Variants in SAMD10 observed in about 807,000 individuals in gnomAD.
SAMD10 encodes sterile alpha motif domain containing 10.
Under a neutral mutation model 22.5 loss-of-function variants are expected in SAMD10, and 16 were observed. The observed-to-expected ratio is 0.71, with a 90% CI of 0.48 to 1.08. The LOEUF (loss-of-function observed/expected upper bound fraction) is 1.08. Among genes scored for constraint, SAMD10 ranks in the 50% least tolerant of loss-of-function variants. SAMD10 has a pLI of 0.00. For synonymous variants in SAMD10, 118 were observed against 122.2 expected, an observed-to-expected ratio of 0.97 and a Z score of 0.23; for missense variants, 227 against 281.3, an observed-to-expected ratio of 0.81 and a Z score of 1.38.
intron 3 of SAMD10, among the ~76,000 whole-genome samples, chr20:63,976,160 G>A (rs543730497): frequency 2.0e-5 from 3 of 150,858 alleles, no homozygotes; most frequent in East Asian, 1.9e-4. Flanking sequence ...ATGACAGAGC[G>A]AGACTCCTTC....
In SAMD10 at chr20:63,979,269, C is replaced by T; in HGVS notation, c.91+108G>A. 1.3e-6 allele frequency: 1 copy of T among 781,618 alleles called. No individual in the cohort carries two copies. The highest frequency in any genetic ancestry group is 1.8e-6 in the Non-Finnish European group (1 of 542,204). 48.4% of individuals were successfully genotyped at this position (781,618 alleles called of 1,614,324 possible). The stretch of plus-strand genomic sequence containing the variant: ...GAGCCGAGACATCCGCCGAATACCC[C>T]CAGCCACCGCCGCTCGAAGCCCGCC... On this transcript the variant is annotated intron_variant, in intron 1 of 4. Coordinates refer to ENST00000369886, the MANE Select transcript of SAMD10 (RefSeq NM_080621.5). This position sits in a 1 kb window ranked among gnomAD's most constrained non-coding sequence, Gnocchi z 7.7.
chr20:63,976,312 G>A (rs1157170750), intron 3 of SAMD10, among the ~76,000 whole-genome samples: 2 of 152,160 alleles, frequency 1.3e-5, no homozygotes, highest in South Asian at 4.2e-4. Context: ...GAGAGGAAGC[G>A]AGGTTCAGAG....
At chr20:63,976,509 T>C (rs569343226) in intron 3 of SAMD10, among the ~76,000 whole-genome samples, 2 of 151,586 alleles carry the variant, frequency 1.3e-5, no homozygotes, top group African/African-American at 4.8e-5. Flanking sequence ...ACACCTGTAA[T>C]CCCAGCACTT....
chr20:63,975,358 G>T lies in SAMD10; in HGVS notation c.*152C>A, dbSNP rs1057508722. 1.1e-6 allele frequency: 1 copy of T among 888,780 alleles called. No homozygotes were observed. Among genetic ancestry groups the T allele is most frequent in the Non-Finnish European group, 1.8e-6 (1 of 570,218 alleles). The allele number at this position is 888,780 out of a possible 1,614,324, so 55.1% of individuals were successfully genotyped here. On this transcript the variant is annotated 3_prime_UTR_variant, in exon 5 of 5. Coordinates refer to ENST00000369886, the MANE Select transcript of SAMD10 (RefSeq NM_080621.5). ...GAATGTCCAACCAGAGGCGCCTGGAGGTGTGATCCTGGTCCTGTCTGTCCG... is the reference window on the plus strand; with the variant it reads ...GAATGTCCAACCAGAGGCGCCTGGATGTGTGATCCTGGTCCTGTCTGTCCG...
intron 1 of SAMD10, chr20:63,978,110 C>T (rs774934647): frequency 3.8e-5 from 14 of 365,994 alleles, no homozygotes; most frequent in Admixed American, 1.0e-4. Context: ...TGGATATGGG[C>T]GGGTCAGCAC....
intron 3 of SAMD10, among the ~76,000 whole-genome samples, chr20:63,976,764 C>CAAAAAAAAAAAAAAAAAAAAAAAAAAAAA (rs60461303): frequency 1.6e-5 from 1 of 63,926 alleles, no homozygotes; most frequent in African/African-American, 6.7e-5. Flanking sequence ...TCTGTCTCAC[C>CAAAAAAAAAAAAAAAAAAAAAAAAAAAAA]AAAAAAAAAA....
upstream of SAMD10, chr20:63,979,791 A>C: frequency 1.5e-6 from 1 of 678,496 alleles, no homozygotes; most frequent in Non-Finnish European, 1.8e-6. The surrounding 1 kb of genome is among the most constrained non-coding windows in gnomAD (Gnocchi z 7.7). Flanking sequence ...GCGTCCTCTG[A>C]GGTCGGGCCC....
In SAMD10 at chr20:63,977,189, AG is replaced by A. The variant is rs750551689; in HGVS notation, c.273+35del. 8.4e-6 allele frequency: 11 copies of A among 1,312,934 alleles called. No individual in the cohort carries two copies. In the South Asian group the frequency reaches 1.2e-4, roughly 14 times the overall value. 81.3% of individuals were successfully genotyped at this position (1,312,934 alleles called of 1,614,324 possible). A position where few individuals can be genotyped will look rare whatever the true frequency, so the allele number is the denominator to read the frequency against. On this transcript the variant is annotated intron_variant, in intron 2 of 4. Coordinates refer to ENST00000369886, the MANE Select transcript of SAMD10 (RefSeq NM_080621.5). This position sits in a 1 kb window ranked among gnomAD's most constrained non-coding sequence, Gnocchi z 5.4. Reference sequence around the variant, plus strand: ...GGCAGAGTGAGAGTGGTGGAGAAGGAGGGCAGGGACGGAGGTGGGTGGAGTG... The same window carrying A: ...GGCAGAGTGAGAGTGGTGGAGAAGGAGGCAGGGACGGAGGTGGGTGGAGTG...
At chr20:63,976,444 A>G (rs2059022749) in intron 3 of SAMD10, among the ~76,000 whole-genome samples, 1 of 151,956 alleles carries the variant, frequency 6.6e-6, no homozygotes, top group Non-Finnish European at 1.5e-5. Context: ...AAGACAGCAC[A>G]GAGAGATGGG....
chr20:63,979,469 G>A lies in SAMD10; in HGVS notation c.-2C>T. 1.4e-6 allele frequency: 2 copies of A among 1,392,606 alleles called. No homozygotes were observed. The highest frequency in any genetic ancestry group is 1.5e-5 in the South Asian group (1 of 66,514). The allele number at this position is 1,392,606 out of a possible 1,614,324, so 86.3% of individuals were successfully genotyped here. The stretch of plus-strand genomic sequence containing the variant: ...CTTGGACCTCAGCTCGGTGAACATG[G>A]GGCCCGCGGGTGCCAGGCCCGCGCA... On this transcript the variant is annotated 5_prime_UTR_variant, in exon 1 of 5. Transcript: ENST00000369886. The surrounding 1 kb of genome is among the most constrained non-coding windows in gnomAD (Gnocchi z 7.7).
chr20:63,975,639 C>G, intron 4 of SAMD10, 53 bp downstream of exon 4: 1 of 1,574,968 alleles, frequency 6.3e-7, no homozygotes, highest in African/African-American at 1.4e-5. Flanking sequence ...CCACCCCACA[C>G]TCAGAGGGGC....
At chr20:63,978,225 T>C in intron 1 of SAMD10, 1 of 925,592 alleles carries the variant, frequency 1.1e-6, no homozygotes, top group South Asian at 1.4e-5. Flanking sequence ...TTTGTCATCA[T>C]CTCTGGGGGC....
At chr20:63,978,863 G>C (rs1316375032) in intron 1 of SAMD10, among the ~76,000 whole-genome samples, 2 of 152,196 alleles carry the variant, frequency 1.3e-5, no homozygotes, top group African/African-American at 4.8e-5. Flanking sequence ...GCAGTCCGGG[G>C]AAACCCGTCG....
In SAMD10 at chr20:63,977,410, T is replaced by G. The variant is rs143245152; in HGVS notation, c.92-4A>C. On this transcript the variant is annotated splice_region_variant and splice_polypyrimidine_tract_variant and intron_variant, in intron 1 of 4. Coordinates refer to ENST00000369886, the MANE Select transcript of SAMD10 (RefSeq NM_080621.5). The surrounding 1 kb of genome is among the most constrained non-coding windows in gnomAD (Gnocchi z 5.4). ...CAGAAGCTGAAGTGGGCAGTGGCTG[T>G]GTGTGGGGGTGCCTGGTCAGGGCAG... is the stretch of plus-strand genomic sequence containing the variant. The G allele has an allele frequency of 6.2e-7, 1 of 1,612,366 alleles. No homozygotes were observed. The highest frequency in any genetic ancestry group is 1.1e-5 in the South Asian group (1 of 90,998).
Position 63,975,429 on chromosome 20 carries a change from G to A in SAMD10, c.*81C>T, listed in dbSNP as rs573604503. Reference sequence around the variant, plus strand: ...CGGCATCCCGCAGGGTCCAAGAGGCGCTGCGGGGCCAGCTTGGCCTCCTCC... The same window carrying A: ...CGGCATCCCGCAGGGTCCAAGAGGCACTGCGGGGCCAGCTTGGCCTCCTCC... On this transcript the variant is annotated 3_prime_UTR_variant, in exon 5 of 5. Transcript: ENST00000369886. 1.9e-5 allele frequency: 30 copies of A among 1,567,884 alleles called. No individual in the cohort carries two copies. Among genetic ancestry groups the A allele is most frequent in the African/African-American group, 4.1e-5 (3 of 73,678 alleles).
At chr20:63,976,079 G>A (rs756152211) in intron 3 of SAMD10, among the ~76,000 whole-genome samples, 14 of 151,926 alleles carry the variant, frequency 9.2e-5, no homozygotes, top group South Asian at 4.1e-4. Context: ...AGGCTGAGGC[G>A]GGAGGATCAC....
At position 63,977,229 on chromosome 20, in the gene SAMD10, G is replaced by A. The variant is rs1206409881; in HGVS notation, c.269C>T (p.Pro90Leu). The A allele has an allele frequency of 6.2e-7, 1 of 1,613,546 alleles. No homozygotes were observed. The highest frequency in any genetic ancestry group is 1.7e-5 in the Admixed American group (1 of 60,012). ...GTGGGTGGAGTGGGTGGGTACCTGG[G>A]GGGTGTCTGTGCCGGGCTGCTGCAG... Reference protein sequence around the residue: ...KLLQQPGTDTPQGRLYSDHYG... With the variant: ...KLLQQPGTDTLQGRLYSDHYG... Residue 90 changes from proline (P) to leucine (L), a missense_variant, in exon 2 of 5, where the codon CCC becomes CTC. Physicochemically the swap from Pro to Leu is moderately conservative, Grantham distance 98 (BLOSUM62 -3). Transcript: ENST00000369886. This position sits in a 1 kb window ranked among gnomAD's most constrained non-coding sequence, Gnocchi z 5.4.
At chr20:63,978,018 G>A (rs745636811) in intron 1 of SAMD10, among the ~76,000 whole-genome samples, 4 of 152,344 alleles carry the variant, frequency 2.6e-5, no homozygotes, top group Middle Eastern at 3.4e-3. Flanking sequence ...CCGCAAACAC[G>A]CGCTGGGCTC....
chr20:63,979,413 C>A lies in SAMD10; in HGVS notation c.55G>T (p.Val19Leu), dbSNP rs1336468438. 6.1e-6 allele frequency: 9 copies of A among 1,481,656 alleles called. No individual in the cohort carries two copies. The highest frequency in any genetic ancestry group is 7.1e-6 in the Non-Finnish European group (8 of 1,122,272). 91.8% of individuals were successfully genotyped at this position (1,481,656 alleles called of 1,614,324 possible). Residue 19 changes from valine to leucine, a missense_variant, in exon 1 of 5, where the codon GTG becomes TTG. Physicochemically the swap from Val to Leu is conservative, Grantham distance 32. Transcript: ENST00000369886. This position sits in a 1 kb window ranked among gnomAD's most constrained non-coding sequence, Gnocchi z 7.7. ...LSPPRGRAGAVRAGFGERRDV... is the reference protein window; with the variant it reads ...LSPPRGRAGALRAGFGERRDV... The stretch of plus-strand genomic sequence containing the variant: ...CGGCGCTCCCCGAAGCCCGCGCGCA[C>A]GGCCCCGGCGCGGCCACGCGGGGGG...
Sources: gnomAD v4.1 joint callset for allele counts (sites outside exome capture counted in the v4.1 genomes callset) on GRCh38, gnomAD v4.1.1 for gene constraint, Gnocchi (gnomAD v3.1) non-coding constraint, MANE v1.5 for transcripts, NCBI Gene and HGNC (gene_info 2026-07-23, HGNC 2026-07-21) for gene names.